Variants in RNF13 observed in about 807,000 individuals in gnomAD.
The protein encoded by RNF13 is ring finger protein 13.
In RNF13, 19 loss-of-function variants were observed where a neutral mutation model predicts 37.7. That is an observed-to-expected ratio of 0.50 (90% CI 0.35 to 0.74). RNF13 has a LOEUF of 0.74. RNF13 is among the 30% of genes least tolerant of loss of function. The probability of loss-of-function intolerance (pLI) is 0.01; values close to 1 mark genes in which losing one functional copy is unlikely to be tolerated. For missense variants in RNF13, 375 were observed against 453.0 expected (o/e 0.83, Z 1.56); for synonymous variants, 144 against 157.8 (o/e 0.91, Z 0.65).
chr3:149,934,965 T>C (rs1201420777), intron 8 of RNF13, among the ~76,000 whole-genome samples: 4 of 152,212 alleles, frequency 2.6e-5, no homozygotes, highest in African/African-American at 9.7e-5. Context: ...TATTCTGCTG[T>C]GGTCAGAAAA....
intron 7 of RNF13, among the ~76,000 whole-genome samples, chr3:149,914,656 C>T (rs920728197): frequency 2.0e-5 from 3 of 152,114 alleles, no homozygotes; most frequent in South Asian, 2.1e-4. Flanking sequence ...ACAGCGGGGC[C>T]GGGTGCGGTG....
intron 8 of RNF13, among the ~76,000 whole-genome samples, chr3:149,947,611 G>T (rs961632691): frequency 1.3e-5 from 2 of 151,834 alleles, no homozygotes; most frequent in African/African-American, 4.8e-5. Flanking sequence ...TCACTATATT[G>T]GCCAGACTGG....
In RNF13 at chr3:149,906,445, TTCAC is replaced by T. The variant is rs1360564404; in HGVS notation, c.500+4284_500+4287del. ...CCCAAAGTGCCTTCACCAATTTATA[TTCAC>T]ACCAGCAATGTATGAGGGTTCCAGT... On this transcript the variant is annotated intron_variant, in intron 6 of 9. Coordinates refer to ENST00000392894, the MANE Select transcript of RNF13 (RefSeq NM_183381.3). 2.6e-5 allele frequency among the ~76,000 whole-genome samples: 4 copies of T among 152,298 alleles called. No homozygotes were observed. The East Asian group carries it at 7.7e-4, about 29-fold the overall frequency.
chr3:149,851,038 G>C (rs183849818), intron 2 of RNF13: 2 of 152,328 alleles, frequency 1.3e-5, no homozygotes, highest in East Asian at 3.9e-4. Flanking sequence ...AATAGGTTTA[G>C]TGACTGCATT....
intron 8 of RNF13, among the ~76,000 whole-genome samples, chr3:149,931,085 A>G (rs1044403532): frequency 2.0e-5 from 3 of 150,102 alleles, no homozygotes; most frequent in Non-Finnish European, 3.0e-5. Context: ...TTCTGGGGGG[A>G]CAAGGTCTCA....
At chr3:149,822,236 G>T (rs1261393998) in intron 1 of RNF13, among the ~76,000 whole-genome samples, 1 of 152,130 alleles carries the variant, frequency 6.6e-6, no homozygotes, top group Non-Finnish European at 1.5e-5. Flanking sequence ...GCTTTGGGTA[G>T]TATTGCCATC....
At chr3:149,820,420 A>G (rs1576708752) in intron 1 of RNF13, among the ~76,000 whole-genome samples, 1 of 152,184 alleles carries the variant, frequency 6.6e-6, no homozygotes, top group Non-Finnish European at 1.5e-5. Context: ...CCACCGGGAA[A>G]TAATCCTAGT....
At chr3:149,911,358 C>T (rs1716978085) in intron 6 of RNF13, among the ~76,000 whole-genome samples, 1 of 152,066 alleles carries the variant, frequency 6.6e-6, no homozygotes, top group Non-Finnish European at 1.5e-5. Flanking sequence ...CTACTAAATT[C>T]AATAAACAAC....
chr3:149,889,383 C>A (rs1055282158), intron 4 of RNF13, among the ~76,000 whole-genome samples: 12 of 149,718 alleles, frequency 8.0e-5, no homozygotes, highest in Non-Finnish European at 1.8e-4. Context: ...CAGCTCACTG[C>A]AACCTCCACC....
In RNF13 at chr3:149,861,923, C is replaced by T. The variant is rs185858513; in HGVS notation, c.195+9327C>T. On this transcript the variant is annotated intron_variant, in intron 3 of 9. Coordinates refer to ENST00000392894, the MANE Select transcript of RNF13 (RefSeq NM_183381.3). ...CCATAAATATACAAAATATTAAATG[C>T]CAATAAAGTTTTAAAAGAATATGAA... 3.5e-3 allele frequency among the ~76,000 whole-genome samples: 527 copies of T among 151,864 alleles called. 1 individual carries two copies. The highest frequency in any genetic ancestry group is 6.8e-3 in the Middle Eastern group (2 of 294).
chr3:149,902,003 T>C, intron 5 of RNF13, 69 bp from the exon 6 acceptor site: 1 of 608,362 alleles, frequency 1.6e-6, no homozygotes, highest in Non-Finnish European at 2.8e-6. Flanking sequence ...TTTGCTGCTA[T>C]TATGAAGAAA....
intron 8 of RNF13, among the ~76,000 whole-genome samples, chr3:149,923,859 T>A (rs1002771232): frequency 6.6e-6 from 1 of 151,824 alleles, no homozygotes; most frequent in African/African-American, 2.4e-5. Context: ...CTGAGTAAGA[T>A]GGGTAGCTGT....
chr3:149,859,492 TA>T (rs1357279650), intron 3 of RNF13, among the ~76,000 whole-genome samples: 1 of 151,588 alleles, frequency 6.6e-6, no homozygotes, highest in Non-Finnish European at 1.5e-5. Context: ...AGAGGGGAGA[TA>T]AAGACACACA....
chr3:149,835,431 C>T (rs373586739), intron 1 of RNF13, among the ~76,000 whole-genome samples: 5 of 152,088 alleles, frequency 3.3e-5, no homozygotes, highest in African/African-American at 1.2e-4. Flanking sequence ...CCCTCCTACC[C>T]TTTCCCCTGA....
chr3:149,860,296 T>C (rs1352451951), intron 3 of RNF13, among the ~76,000 whole-genome samples: 2 of 138,860 alleles, frequency 1.4e-5, no homozygotes, highest in African/African-American at 2.6e-5. Flanking sequence ...TATATATATA[T>C]ATATAACGTG....
At chr3:149,849,439 T>C (rs559344905) in intron 2 of RNF13, among the ~76,000 whole-genome samples, 47 of 152,336 alleles carry the variant, frequency 3.1e-4, no homozygotes, top group Admixed American at 2.7e-3. Context: ...TTGGATTATA[T>C]AGCATGGGTA....
At chr3:149,863,746 T>C (rs1257749314) in intron 3 of RNF13, among the ~76,000 whole-genome samples, 3 of 152,210 alleles carry the variant, frequency 2.0e-5, no homozygotes, top group African/African-American at 4.8e-5. Flanking sequence ...GATTTACTTT[T>C]TGTATTTGTT....
intron 8 of RNF13, among the ~76,000 whole-genome samples, chr3:149,956,340 G>A (rs1007316096): frequency 2.6e-5 from 4 of 152,186 alleles, no homozygotes; most frequent in Non-Finnish European, 1.5e-5. Flanking sequence ...GACATGTTTT[G>A]CAGATAAAAG....
intron 5 of RNF13, among the ~76,000 whole-genome samples, chr3:149,900,468 G>T (rs1576846015): frequency 3.9e-5 from 6 of 152,152 alleles, no homozygotes. Context: ...CAGCTACTTG[G>T]GAGGCTGAGA....
Sources: gnomAD v4.1 joint callset for allele counts (sites outside exome capture counted in the v4.1 genomes callset) on GRCh38, gnomAD v4.1.1 for gene constraint, MANE v1.5 for transcripts, NCBI Gene and HGNC (gene_info 2026-07-23, HGNC 2026-07-21) for gene names.